Variants in CPN1 observed in about 807,000 individuals in gnomAD.
The protein encoded by CPN1 is carboxypeptidase N catalytic chain.
A neutral mutation model predicts 46.4 loss-of-function variants in CPN1; 37 were observed. The ratio of observed to expected loss-of-function variants is 0.80; its 90% confidence interval spans 0.61 to 1.05. The LOEUF (loss-of-function observed/expected upper bound fraction) is 1.05, where lower values mean the gene tolerates loss of function less well. Ranked by LOEUF, CPN1 falls within the 50% of genes least tolerant of loss-of-function variation. The pLI is 0.00. For missense variants in CPN1, 563 were observed against 602.6 expected (o/e 0.93, Z 0.69); for synonymous variants, 224 against 235.4 (o/e 0.95, Z 0.44).
intron 7 of CPN1, among the ~76,000 whole-genome samples, chr10:100,052,003 T>C (rs1371231942): frequency 6.6e-6 from 1 of 151,672 alleles, no homozygotes; most frequent in South Asian, 2.1e-4. Context: ...CGGGTTCAAA[T>C]GATTCTCATG....
chr10:100,057,222 C>A, intron 5 of CPN1, 70 bp from the exon 6 acceptor site: 5 of 1,531,294 alleles, frequency 3.3e-6, no homozygotes, highest in Non-Finnish European at 4.4e-6. Context: ...TCATCTCTCT[C>A]TCTCTCTTTT....
intron 2 of CPN1, among the ~76,000 whole-genome samples, chr10:100,070,268 G>A (rs1286906318): frequency 6.6e-6 from 1 of 151,730 alleles, no homozygotes; most frequent in Non-Finnish European, 1.5e-5. Context: ...GATCACTTGA[G>A]GTCAGAAGTT....
intron 1 of CPN1, among the ~76,000 whole-genome samples, chr10:100,078,520 AG>A (rs1589480496): frequency 6.6e-6 from 1 of 152,328 alleles, no homozygotes; most frequent in East Asian, 1.9e-4. Flanking sequence ...ATCCAGAGTC[AG>A]GGGTTGGCAA....
Position 100,081,747 on chromosome 10 carries a change from T to C in CPN1, c.-122A>G, listed in dbSNP as rs573116144. 1.9e-3 allele frequency: 1,517 copies of C among 778,640 alleles called. No homozygotes were observed. Among genetic ancestry groups the C allele is most frequent in the Non-Finnish European group, 2.6e-3 (1,181 of 455,066 alleles). 48.2% of individuals were successfully genotyped at this position (778,640 alleles called of 1,614,324 possible). Reference sequence around the variant, plus strand: ...TCCCGCTTGTAAACACCAGTCCAAATTGGAAGACGTTCCCAGCTGTCCGTC... The same window carrying C: ...TCCCGCTTGTAAACACCAGTCCAAACTGGAAGACGTTCCCAGCTGTCCGTC... On this transcript the variant is annotated 5_prime_UTR_variant, in exon 1 of 9. Coordinates refer to ENST00000370418, the MANE Select transcript of CPN1 (RefSeq NM_001308.3).
intron 8 of CPN1, among the ~76,000 whole-genome samples, chr10:100,047,065 C>CTCTG (rs2041318203): frequency 6.7e-6 from 1 of 150,298 alleles, no homozygotes; most frequent in Admixed American, 6.6e-5. Flanking sequence ...CAGAGCGAGA[C>CTCTG]TCTGTCGAAA....
chr10:100,060,993 G>C (rs2041413680), intron 5 of CPN1, among the ~76,000 whole-genome samples: 1 of 151,206 alleles, frequency 6.6e-6, no homozygotes, highest in South Asian at 2.1e-4. Context: ...CAGAAAAACA[G>C]ACTTTGCATG....
chr10:100,053,732 A>T (rs1401572791), intron 7 of CPN1, among the ~76,000 whole-genome samples: 1 of 152,188 alleles, frequency 6.6e-6, no homozygotes, highest in Non-Finnish European at 1.5e-5. Flanking sequence ...AAACAAAAAA[A>T]AAATCCTACA....
chr10:100,075,813 T>G (rs2133448252), intron 2 of CPN1, 98 bp downstream of exon 2: 1 of 1,226,946 alleles, frequency 8.2e-7, no homozygotes, highest in Non-Finnish European at 1.2e-6. Context: ...TTAACATTTG[T>G]GATATTTACA....
At chr10:100,051,119 C>A (rs1433246639) in intron 7 of CPN1, among the ~76,000 whole-genome samples, 1 of 152,158 alleles carries the variant, frequency 6.6e-6, no homozygotes, top group African/African-American at 2.4e-5. Flanking sequence ...AAGGAAAGTG[C>A]ATTTTGGCTA....
chr10:100,075,901 G>A lies in CPN1; in HGVS notation c.420+10C>T. On this transcript the variant is annotated intron_variant, in intron 2 of 8. Coordinates refer to ENST00000370418, the MANE Select transcript of CPN1 (RefSeq NM_001308.3). ...TGATCTCTCCCCGGCATCTCCCTTG[G>A]ACCTCGTACCTGGGCAGCAGCCACC... The A allele has an allele frequency of 6.2e-7, 1 of 1,613,690 alleles. No individual in the cohort carries two copies. The highest frequency in any genetic ancestry group is 8.5e-7 in the Non-Finnish European group (1 of 1,179,992).
intron 1 of CPN1, 138 bp downstream of exon 1, chr10:100,081,265 G>A: frequency 2.6e-6 from 2 of 776,390 alleles, no homozygotes; most frequent in Non-Finnish European, 4.4e-6. Context: ...GGCTAAGAGG[G>A]AAATAGCACA....
chr10:100,065,803 C>T (rs1006555541), intron 3 of CPN1, among the ~76,000 whole-genome samples: 3 of 149,790 alleles, frequency 2.0e-5, no homozygotes, highest in East Asian at 4.0e-4. Flanking sequence ...AAACACACCC[C>T]TCTGGGGTGG....
intron 3 of CPN1, among the ~76,000 whole-genome samples, chr10:100,068,899 G>A (rs1280942978): frequency 2.6e-5 from 4 of 152,140 alleles, no homozygotes; most frequent in Admixed American, 6.5e-5. Context: ...TAAGACAGAC[G>A]TCTCTATAGA....
chr10:100,053,733 A>T (rs2041368619), intron 7 of CPN1, among the ~76,000 whole-genome samples: 2 of 152,202 alleles, frequency 1.3e-5, no homozygotes, highest in African/African-American at 4.8e-5. Context: ...AACAAAAAAA[A>T]AATCCTACAA....
intron 5 of CPN1, among the ~76,000 whole-genome samples, chr10:100,057,962 T>C (rs895887360): frequency 6.6e-6 from 1 of 152,166 alleles, no homozygotes; most frequent in Non-Finnish European, 1.5e-5. Context: ...CTCCCAAACA[T>C]TTATCATTTC....
intron 7 of CPN1, among the ~76,000 whole-genome samples, chr10:100,050,112 G>T (rs1041653329): frequency 2.6e-5 from 4 of 152,144 alleles, no homozygotes; most frequent in Admixed American, 2.6e-4. Flanking sequence ...CAGCACTTTG[G>T]GAGGCCCAGG....
At chr10:100,046,365 G>A (rs1410138479) in intron 8 of CPN1, among the ~76,000 whole-genome samples, 1 of 152,228 alleles carries the variant, frequency 6.6e-6, no homozygotes, top group Admixed American at 6.5e-5. Flanking sequence ...CCAGTGCTTT[G>A]GAAGGCCAAG....
intron 5 of CPN1, among the ~76,000 whole-genome samples, chr10:100,061,856 T>C (rs1024833761): frequency 1.3e-5 from 2 of 152,198 alleles, no homozygotes; most frequent in Admixed American, 6.5e-5. Flanking sequence ...TTATTTATTT[T>C]TCAGAGACAG....
At chr10:100,044,719 T>C (rs1043208789) in intron 8 of CPN1, among the ~76,000 whole-genome samples, 1 of 151,532 alleles carries the variant, frequency 6.6e-6, no homozygotes, top group African/African-American at 2.4e-5. Flanking sequence ...CAATCTTTTT[T>C]TTTTTTTTTG....
Sources: gnomAD v4.1 joint callset for allele counts (sites outside exome capture counted in the v4.1 genomes callset) on GRCh38, gnomAD v4.1.1 for gene constraint, MANE v1.5 for transcripts, NCBI Gene and HGNC (gene_info 2026-07-23, HGNC 2026-07-21) for gene names.